SLC19A1: variants seen among roughly 807,000 people sequenced by gnomAD.
SLC19A1 encodes the protein solute carrier family 19 member 1, also known as reduced folate transporter.
Under a neutral mutation model 35.3 loss-of-function variants are expected in SLC19A1, and 37 were observed. The ratio of observed to expected loss-of-function variants is 1.05; its 90% CI spans 0.81 to 1.38. The LOEUF (loss-of-function observed/expected upper bound fraction) is 1.38, where lower values mean the gene tolerates loss of function less well. Ranked by LOEUF, SLC19A1 falls within the 40% of genes most tolerant of loss-of-function variation. The probability of loss-of-function intolerance (pLI) is 0.00; values close to 1 mark genes in which losing one functional copy is unlikely to be tolerated. For synonymous variants in SLC19A1, 460 were observed against 398.5 expected (o/e 1.15, Z -1.84); for missense variants, 831 against 826.9 (o/e 1.00, Z -0.06).
chr21:45,511,003 C>A, downstream of SLC19A1: 1 of 10,672 alleles, frequency 9.4e-5, no homozygotes, highest in South Asian at 2.3e-3. Context: ...ACACAACACA[C>A]CCCCCCCCCA....
chr21:45,553,544 C>T (rs886925398), intron 1 of SLC19A1, among the ~76,000 whole-genome samples: 30 of 151,630 alleles, frequency 2.0e-4, no homozygotes, highest in African/African-American at 4.1e-4. Context: ...CACTGTTGTG[C>T]GGCCGTCACC....
chr21:45,536,173 T>G (rs2078106986), intron 2 of SLC19A1: 1 of 158,280 alleles, frequency 6.3e-6, no homozygotes, highest in South Asian at 2.0e-4. Context: ...GTCCCTCTGA[T>G]GATATCCAAG....
intron 5 of SLC19A1, among the ~76,000 whole-genome samples, chr21:45,520,201 T>C (rs1470291818): frequency 6.6e-6 from 1 of 152,100 alleles, no homozygotes; most frequent in African/African-American, 2.4e-5. Context: ...TGGGGAAATT[T>C]ATAGCATTAG....
downstream of SLC19A1, among the ~76,000 whole-genome samples, chr21:45,507,983 G>C (rs1205536658): frequency 1.3e-5 from 2 of 152,230 alleles, no homozygotes; most frequent in African/African-American, 4.8e-5. Context: ...CTGGGTGGGT[G>C]AATCAATGGG....
downstream of SLC19A1, chr21:45,512,552 G>C (rs2037673637): frequency 1.4e-6 from 1 of 708,004 alleles, no homozygotes; most frequent in East Asian, 2.7e-5. Flanking sequence ...AGAAATAAAA[G>C]GAAGCCAAAG....
At chr21:45,557,243 A>G (rs2078572253) in intron 1 of SLC19A1, among the ~76,000 whole-genome samples, 1 of 152,240 alleles carries the variant, frequency 6.6e-6, no homozygotes, top group African/African-American at 2.4e-5. Flanking sequence ...CCGAGGCCAG[A>G]GCACTGGGGC....
rs1456012684 is a variant in SLC19A1 at position 45,507,280 on chromosome 21, TGGGAGGGCCGGGTGCTGGGCA to T, written c.498-8689_498-8669del. 1.7e-5 allele frequency: 8 copies of T among 461,994 alleles called. No homozygotes were observed. In the African/African-American group the frequency reaches 1.8e-4, roughly 10 times the overall value. 28.6% of individuals were successfully genotyped at this position (461,994 alleles called of 1,614,324 possible). ...GCAGGGAGGGCAACCTGCTGTGGAC[TGGGAGGGCCGGGTGCTGGGCA>T]GGGAGGGCACCCTCCTGTGGGCTGG... On this transcript the variant is annotated intron_variant, in intron 3 of 4. Coordinates refer to the SLC19A1 transcript ENST00000417954.
chr21:45,502,857 C>T (rs1373307850), intron 3 of SLC19A1: 1 of 152,200 alleles, frequency 6.6e-6, no homozygotes, highest in Non-Finnish European at 1.5e-5. Context: ...TTTCTCAGCA[C>T]GTCTCCCACG....
chr21:45,550,358 T>A (rs932226995), intron 1 of SLC19A1, among the ~76,000 whole-genome samples: 1 of 152,156 alleles, frequency 6.6e-6, no homozygotes, highest in African/African-American at 2.4e-5. Flanking sequence ...GGCCCTCGTA[T>A]GCCAGACCGC....
At chr21:45,526,369 TATA>T (rs2077620828) in intron 4 of SLC19A1, among the ~76,000 whole-genome samples, 1 of 152,232 alleles carries the variant, frequency 6.6e-6, no homozygotes, top group Non-Finnish European at 1.5e-5. Flanking sequence ...GGTGATTTTA[TATA>T]ATACCTGACA....
rs1568945863 is a variant in SLC19A1 at position 45,506,774 on chromosome 21, T to TG, written c.498-8163_498-8162insC. On this transcript the variant is annotated intron_variant, in intron 3 of 4. Transcript: ENST00000417954. ...CCCTCCCACCTTCCCTCTGGAACCC[T>TG]CCCACCTTCCCTCTGGAGCCCTCCC... The TG allele has an allele frequency of 7.7e-3, 370 of 48,056 alleles. 4 individuals are homozygous for TG. The highest frequency in any genetic ancestry group is 0.025 in the African/African-American group (346 of 13,600). 3.0% of individuals were successfully genotyped at this position (48,056 alleles called of 1,614,324 possible). A position where few individuals can be genotyped will look rare whatever the true frequency, so the allele number is the denominator to read the frequency against.
downstream of SLC19A1, chr21:45,509,464 G>A (rs372741290): frequency 1.8e-5 from 28 of 1,532,294 alleles, no homozygotes; most frequent in Non-Finnish European, 2.3e-5. Flanking sequence ...GCGGGCAGAT[G>A]ACATCCTGGC....
At chr21:45,547,949 A>C (rs976932520), upstream of SLC19A1, among the ~76,000 whole-genome samples, 1 of 152,214 alleles carries the variant, frequency 6.6e-6, no homozygotes, top group Admixed American at 6.5e-5. Flanking sequence ...AATCCAACAG[A>C]GATCTCACAG....
At chr21:45,529,608 T>C (rs1329085570) in intron 4 of SLC19A1, among the ~76,000 whole-genome samples, 1 of 24,814 alleles carries the variant, frequency 4.0e-5, no homozygotes, top group Non-Finnish European at 7.2e-5. Context: ...TGAGCGTGTG[T>C]CCATGTGTGA....
At chr21:45,529,369 C>G (rs758912694) in intron 4 of SLC19A1, among the ~76,000 whole-genome samples, 5 of 152,172 alleles carry the variant, frequency 3.3e-5, no homozygotes, top group Non-Finnish European at 7.3e-5. Context: ...GCATAAGGCC[C>G]AGGGGGATGA....
chr21:45,507,771 G>A (rs959489049), downstream of SLC19A1, among the ~76,000 whole-genome samples: 7 of 152,158 alleles, frequency 4.6e-5, no homozygotes, highest in African/African-American at 9.7e-5. Context: ...CTGTCTCAGC[G>A]CTGGCCCCCC....
At chr21:45,506,752 T>TCCCACCTTCCTTCTAGCATG (rs373283750) in intron 3 of SLC19A1, 927 of 28,880 alleles carry the variant, frequency 0.032, 9 homozygotes, top group African/African-American at 0.17. Context: ...TCTAGAGCCC[T>TCCCACCTTCCTTCTAGCATG]CCCACCTTCC....
At chr21:45,560,068 A>G (rs540080871) in intron 1 of SLC19A1, among the ~76,000 whole-genome samples, 9 of 151,690 alleles carry the variant, frequency 5.9e-5, no homozygotes, top group African/African-American at 2.0e-4. Context: ...AATGTAGGAA[A>G]CTGGCTCGTG....
intron 5 of SLC19A1, among the ~76,000 whole-genome samples, chr21:45,524,036 G>A (rs544577053): frequency 1.7e-3 from 266 of 152,080 alleles, no homozygotes; most frequent in African/African-American, 4.9e-3. Context: ...ACATTCACCC[G>A]TGGGCCTTGG....
Sources: gnomAD v4.1 joint callset for allele counts (sites outside exome capture counted in the v4.1 genomes callset) on GRCh38, gnomAD v4.1.1 for gene constraint, MANE v1.5 for transcripts, NCBI Gene and HGNC (gene_info 2026-07-23, HGNC 2026-07-21) for gene names.